Variants in ADAM17 observed in about 807,000 individuals in gnomAD.
ADAM17 encodes the protein ADAM metallopeptidase domain 17, also known as disintegrin and metalloproteinase domain-containing protein 17.
A neutral mutation model predicts 96.7 loss-of-function variants in ADAM17; 39 were observed. That is an observed-to-expected ratio of 0.40 (90% confidence interval 0.31 to 0.53). The LOEUF is 0.53. Among genes scored for constraint, ADAM17 ranks in the 20% least tolerant of loss-of-function variants. The pLI, the probability that ADAM17 is intolerant of heterozygous loss-of-function variation, is 0.44. For synonymous variants in ADAM17, 344 were observed against 359.2 expected (o/e 0.96, Z 0.48); for missense variants, 777 against 1,013.2 (o/e 0.77, Z 3.17).
chr2:9,493,100 C>CTGCTCTCGG, intron 16 of ADAM17, 114 bp from the exon 17 acceptor site: 1 of 795,204 alleles, frequency 1.3e-6, no homozygotes, highest in Non-Finnish European at 2.0e-6. Flanking sequence ...GCTAGACATA[C>CTGCTCTCGG]TACCGAGAGC....
chr2:9,517,010 GCT>G (rs1664090523), intron 10 of ADAM17, among the ~76,000 whole-genome samples: 1 of 152,118 alleles, frequency 6.6e-6, no homozygotes, highest in African/African-American at 2.4e-5. Context: ...GCCAGACTAG[GCT>G]AGCCATGTTC....
In ADAM17 at chr2:9,527,816, T is replaced by C. The variant is rs1664588258; in HGVS notation, c.589A>G (p.Lys197Glu). Residue 197 changes from lysine to glutamate, a missense_variant, in exon 5 of 19, where the codon AAA (lysine) becomes GAA (glutamate). Physicochemically the swap from Lys to Glu is moderately conservative, Grantham distance 56 (BLOSUM62 1). Around this residue, in one of 3 missense-constraint regions of ADAM17, gnomAD observed 446 missense variants for 664.7 expected, o/e 0.67. Transcript: ENST00000310823. ...LKVDNEELLPKGLVDREPPEE... is the reference protein window; with the variant it reads ...LKVDNEELLPEGLVDREPPEE... ...GGTGGTTCTCTGTCTACTAACCCTT[T>C]TGGGAGCAACTCTTCATTATCCACT... 1 of 1,599,704 alleles carries C rather than the reference T, an allele frequency of 6.3e-7. No individual in the cohort carries two copies. Among genetic ancestry groups the C allele is most frequent in the Non-Finnish European group, 8.5e-7 (1 of 1,174,872 alleles).
At chr2:9,527,015 A>G (rs1384807309) in intron 5 of ADAM17, among the ~76,000 whole-genome samples, 1 of 152,110 alleles carries the variant, frequency 6.6e-6, no homozygotes, top group Non-Finnish European at 1.5e-5. Flanking sequence ...ATGCTAATAT[A>G]TAATTTTAAT....
intron 1 of ADAM17, among the ~76,000 whole-genome samples, chr2:9,551,368 C>A (rs1487993163): frequency 1.3e-5 from 2 of 152,156 alleles, no homozygotes; most frequent in African/African-American, 2.4e-5. Flanking sequence ...TTTCATTCAT[C>A]AGAATTTTTT....
chr2:9,555,531 G>A lies in ADAM17; in HGVS notation c.75C>T (p.Gly25=), dbSNP rs1427275550. 65 of 1,601,012 alleles carry A rather than the reference G, an allele frequency of 4.1e-5. No individual in the cohort carries two copies. The highest frequency in any genetic ancestry group is 5.4e-5 in the Non-Finnish European group (63 of 1,173,782). The change falls in exon 1 of 19, where the codon GGC becomes GGT. Residue 25 remains glycine, a synonymous_variant. Coordinates refer to ENST00000310823, the MANE Select transcript of ADAM17 (RefSeq NM_003183.6). ...TACCGAGTCTCTGGTGGGGGCCGAA[G>A]CCCGGGTCATCCGGAGGTCGCGGCG... ...VLAPRPPDDP[G]FGPHQRLEKL...
chr2:9,529,708 C>T (rs1054108185), intron 4 of ADAM17, among the ~76,000 whole-genome samples: 10 of 152,108 alleles, frequency 6.6e-5, no homozygotes, highest in African/African-American at 1.9e-4. Flanking sequence ...CGATGGCTCA[C>T]GCCTGTAATC....
At chr2:9,553,417 T>C (rs1161426952) in intron 1 of ADAM17, among the ~76,000 whole-genome samples, 2 of 151,714 alleles carry the variant, frequency 1.3e-5, no homozygotes, top group Non-Finnish European at 2.9e-5. Context: ...CTCAAGCCTT[T>C]AATCCCAGCA....
chr2:9,502,485 C>T (rs184164350), intron 12 of ADAM17, among the ~76,000 whole-genome samples: 167 of 152,210 alleles, frequency 1.1e-3, no homozygotes, highest in Non-Finnish European at 1.9e-3. Context: ...CACATAAATG[C>T]CACACTATAG....
At chr2:9,525,327 A>T (rs1352342568) in intron 6 of ADAM17, among the ~76,000 whole-genome samples, 1 of 150,256 alleles carries the variant, frequency 6.7e-6, no homozygotes, top group East Asian at 1.9e-4. Context: ...TCCACTTGAC[A>T]TGAAAGGGAA....
chr2:9,534,598 T>A (rs1172050973), intron 4 of ADAM17, among the ~76,000 whole-genome samples: 2 of 152,156 alleles, frequency 1.3e-5, no homozygotes, highest in Non-Finnish European at 2.9e-5. Context: ...AAAAGGTTCA[T>A]AATCATATTG....
intron 17 of ADAM17, among the ~76,000 whole-genome samples, chr2:9,492,465 T>C (rs1035639455): frequency 2.6e-5 from 4 of 152,196 alleles, no homozygotes; most frequent in Admixed American, 6.5e-5. Flanking sequence ...TACATCCTAT[T>C]TGTGCAGAAG....
At position 9,503,246 on chromosome 2, in the gene ADAM17, C is replaced by G. The variant is rs547055900; in HGVS notation, c.1545-970G>C. On this transcript the variant is annotated intron_variant, in intron 12 of 18. Transcript: ENST00000310823. ...GAACTCTACTCCCCATCAGTATTTA[C>G]AGCGTTAATATGCACTGTATCCAGT... 1.2e-4 allele frequency among the ~76,000 whole-genome samples: 18 copies of G among 151,704 alleles called. No individual in the cohort carries two copies. In the South Asian group the frequency reaches 3.8e-3, roughly 32 times the overall value.
At chr2:9,552,112 C>T (rs1665607307) in intron 1 of ADAM17, among the ~76,000 whole-genome samples, 1 of 152,188 alleles carries the variant, frequency 6.6e-6, no homozygotes, top group Non-Finnish European at 1.5e-5. Flanking sequence ...TCCGTTACCT[C>T]AATGAAGCCC....
At chr2:9,499,113 C>CTTT (rs59259119) in intron 13 of ADAM17, among the ~76,000 whole-genome samples, 5,183 of 46,986 alleles carry the variant, frequency 0.11, 364 homozygotes, top group African/African-American at 0.21. Flanking sequence ...CTTTCTTCTT[C>CTTT]TTTTTTTTTT....
intron 7 of ADAM17, chr2:9,522,140 T>C (rs1664340831): frequency 3.1e-6 from 1 of 322,832 alleles, no homozygotes. Flanking sequence ...AACTCAAACA[T>C]GATGCAGCTA....
At chr2:9,503,594 A>G (rs901126144) in intron 12 of ADAM17, among the ~76,000 whole-genome samples, 3 of 152,148 alleles carry the variant, frequency 2.0e-5, no homozygotes, top group African/African-American at 4.8e-5. Context: ...TAATCCCAAC[A>G]CTTTGGGAGG....
At chr2:9,522,141 G>A (rs1321980320) in intron 7 of ADAM17, 1 of 324,284 alleles carries the variant, frequency 3.1e-6, no homozygotes. Flanking sequence ...ACTCAAACAT[G>A]ATGCAGCTAT....
intron 10 of ADAM17, among the ~76,000 whole-genome samples, chr2:9,513,191 C>T (rs1447204088): frequency 3.3e-5 from 5 of 152,166 alleles, no homozygotes; most frequent in Admixed American, 6.5e-5. Flanking sequence ...GACGAGGTTT[C>T]ACCATGTTGG....
At chr2:9,534,856 G>C (rs1664897604) in intron 4 of ADAM17, among the ~76,000 whole-genome samples, 2 of 152,134 alleles carry the variant, frequency 1.3e-5, no homozygotes. Context: ...TGAAAGAACA[G>C]GCAAATTTAA....
Sources: gnomAD v4.1 joint callset for allele counts (sites outside exome capture counted in the v4.1 genomes callset) on GRCh38, gnomAD v4.1.1 for gene constraint, gnomAD v4.1.1 regional missense constraint, MANE v1.5 for transcripts, NCBI Gene and HGNC (gene_info 2026-07-23, HGNC 2026-07-21) for gene names.